SESTD1: variants seen among roughly 807,000 people sequenced by gnomAD.
SESTD1 encodes SEC14 and spectrin domain containing 1, also known as SEC14 domain and spectrin repeat-containing protein 1.
SESTD1 carries 43 observed loss-of-function variants against 101.7 expected under a neutral mutation model. That is an observed-to-expected ratio of 0.42 (90% CI 0.33 to 0.55). The LOEUF (loss-of-function observed/expected upper bound fraction) is 0.55, where lower values mean the gene tolerates loss of function less well. Ranked by LOEUF, SESTD1 falls within the 20% of genes least tolerant of loss-of-function variation. The pLI, the probability that SESTD1 is intolerant of heterozygous loss-of-function variation, is 0.07. For missense variants in SESTD1, 647 were observed against 815.1 expected (o/e 0.79, Z 2.51); for synonymous variants, 283 against 286.8 (o/e 0.99, Z 0.13).
At chr2:179,200,359 T>C (rs1162307275) in intron 1 of SESTD1, among the ~76,000 whole-genome samples, 4 of 152,072 alleles carry the variant, frequency 2.6e-5, no homozygotes, top group Admixed American at 6.5e-5. Context: ...AGGTAATTTA[T>C]AGATTCAATG....
intron 1 of SESTD1, 102 bp from the exon 2 acceptor site, chr2:179,191,968 C>G (rs2046326111): frequency 3.8e-6 from 3 of 779,718 alleles, no homozygotes; most frequent in Non-Finnish European, 6.4e-6. Flanking sequence ...CTGAGAACTA[C>G]TGACATTTTG....
chr2:179,159,809 A>C (rs1190740375), intron 5 of SESTD1, among the ~76,000 whole-genome samples: 1 of 152,174 alleles, frequency 6.6e-6, no homozygotes, highest in Non-Finnish European at 1.5e-5. Context: ...TCTTATTGGA[A>C]ATGTTCTATG....
At chr2:179,133,610 A>G (rs2045063283) in intron 9 of SESTD1, among the ~76,000 whole-genome samples, 1 of 152,216 alleles carries the variant, frequency 6.6e-6, no homozygotes, top group Admixed American at 6.5e-5. Flanking sequence ...GTATGGTTAT[A>G]TCCTAAATCT....
At chr2:179,235,913 T>C (rs774053602) in intron 1 of SESTD1, among the ~76,000 whole-genome samples, 3 of 152,174 alleles carry the variant, frequency 2.0e-5, no homozygotes, top group Non-Finnish European at 4.4e-5. Context: ...TTCGCTGAAA[T>C]AACATTACTA....
chr2:179,247,641 T>G (rs1372240396), intron 1 of SESTD1, among the ~76,000 whole-genome samples: 1 of 151,940 alleles, frequency 6.6e-6, no homozygotes, highest in Non-Finnish European at 1.5e-5. Flanking sequence ...GATCTCGTTA[T>G]GTTGCCTAGG....
intron 1 of SESTD1, among the ~76,000 whole-genome samples, chr2:179,230,120 T>C (rs2046963763): frequency 5.5e-5 from 2 of 36,098 alleles, no homozygotes; most frequent in African/African-American, 6.5e-4. Context: ...TCTCTTTTTT[T>C]TTTTTTTTTT....
chr2:179,198,243 C>A (rs2046437300), intron 1 of SESTD1, among the ~76,000 whole-genome samples: 1 of 152,160 alleles, frequency 6.6e-6, no homozygotes, highest in South Asian at 2.1e-4. Flanking sequence ...ATCAATTCAA[C>A]AAGAAGAGCT....
chr2:179,156,470 T>C (rs2045633655), intron 5 of SESTD1, among the ~76,000 whole-genome samples: 1 of 152,198 alleles, frequency 6.6e-6, no homozygotes, highest in South Asian at 2.1e-4. Context: ...AAGTGTTCCC[T>C]GATCACGGCA....
rs976122854 is a variant in SESTD1 at position 179,203,957 on chromosome 2, C to G, written c.-25-12091G>C. Among the ~76,000 whole-genome samples, 20 of 134,238 alleles carry G rather than the reference C, an allele frequency of 1.5e-4. 4 individuals are homozygous for G. The highest frequency in any genetic ancestry group is 5.0e-4 in the African/African-American group (17 of 33,974). The allele number at this position is 134,238 out of a possible 152,430, so 88.1% of individuals were successfully genotyped here. On this transcript the variant is annotated intron_variant, in intron 1 of 17. Coordinates refer to ENST00000428443, the MANE Select transcript of SESTD1 (RefSeq NM_178123.5). ...TGAGGACAGTCTTGTGGGATTGAGC[C>G]CTTAAACCCTGGATCTGATAACTCC...
At chr2:179,148,715 C>A (rs1308180496) in intron 7 of SESTD1, among the ~76,000 whole-genome samples, 1 of 152,072 alleles carries the variant, frequency 6.6e-6, no homozygotes, top group Non-Finnish European at 1.5e-5. Context: ...TTTGAAAACA[C>A]GTTCTTGAAA....
chr2:179,256,976 T>C (rs1052412049), intron 1 of SESTD1, among the ~76,000 whole-genome samples: 3 of 152,124 alleles, frequency 2.0e-5, no homozygotes, highest in Non-Finnish European at 4.4e-5. Flanking sequence ...GATAAAGCAG[T>C]GGCAGGGTTT....
At chr2:179,191,399 A>T (rs2046317908) in intron 2 of SESTD1, among the ~76,000 whole-genome samples, 1 of 152,162 alleles carries the variant, frequency 6.6e-6, no homozygotes, top group Admixed American at 6.5e-5. Context: ...GGACATAAAG[A>T]TGGGAGCAAC....
At chr2:179,181,991 T>TAAAAAAAAAAA (rs35017699) in intron 3 of SESTD1, among the ~76,000 whole-genome samples, 2 of 139,622 alleles carry the variant, frequency 1.4e-5, no homozygotes, top group African/African-American at 2.6e-5. Flanking sequence ...TCCACAATAT[T>TAAAAAAAAAAA]AAAAAAAAAA....
rs2045331988 is a variant in SESTD1 at position 179,143,725 on chromosome 2, T to G, written c.716A>C (p.Asp239Ala). Residue 239 changes from aspartate (D) to alanine (A), a missense_variant, in exon 9 of 18, where the codon GAT (aspartate) becomes GCT (alanine). By Grantham distance (126) the Asp-to-Ala change is moderately radical. Around this residue, in one of 3 missense-constraint regions of SESTD1, gnomAD observed 476 missense variants for 562.6 expected, o/e 0.85. Transcript: ENST00000428443. ...AACCTGTGGCTGTGCAAGAAGTTCA[T>G]CATCCATAGGAGACCATGAAACCCC... The part of the protein sequence containing the change: ...DGGVSWSPMD[D>A]ELLAQPQVMK... 6.2e-7 allele frequency: 1 copy of G among 1,614,036 alleles called. No homozygotes were observed. Among genetic ancestry groups the G allele is most frequent in the Non-Finnish European group, 8.5e-7 (1 of 1,179,930 alleles).
chr2:179,157,552 C>T (rs1021917740), intron 5 of SESTD1, among the ~76,000 whole-genome samples: 9 of 152,054 alleles, frequency 5.9e-5, no homozygotes, highest in Admixed American at 2.0e-4. Context: ...TATTTAAAAT[C>T]GTAAGATGAT....
rs532934533 is a variant in SESTD1 at position 179,233,790 on chromosome 2, A to ACATG, written c.-26+30705_-26+30708dup. Among the ~76,000 whole-genome samples the ACATG allele has an allele frequency of 3.9e-5, 6 of 152,284 alleles. No individual in the cohort carries two copies. The South Asian group carries it at 6.2e-4, about 16-fold the overall frequency. ...TTTATACAGAGATAGATACAGGGAT[A>ACATG]CATGCATGCATGCATGCGTGTGTGT... On this transcript the variant is annotated intron_variant, in intron 1 of 17. Transcript: ENST00000428443.
Position 179,214,113 on chromosome 2 carries a change from C to G in SESTD1, c.-25-22247G>C, listed in dbSNP as rs1159788371. Among the ~76,000 whole-genome samples the G allele has an allele frequency of 1.1e-4, 15 of 134,474 alleles. 3 individuals carry two copies. Among genetic ancestry groups the G allele is most frequent in the Admixed American group, 1.1e-3 (15 of 13,864 alleles). The allele number at this position is 134,474 out of a possible 152,430, so 88.2% of individuals were successfully genotyped here. Reference sequence around the variant, plus strand: ...CCAGCTAACATCATAATGACAGGATCAAATTCACACATAACAATATTAACC... The same window carrying G: ...CCAGCTAACATCATAATGACAGGATGAAATTCACACATAACAATATTAACC... On this transcript the variant is annotated intron_variant, in intron 1 of 17. Transcript: ENST00000428443.
chr2:179,158,066 C>G (rs746154933), intron 5 of SESTD1, among the ~76,000 whole-genome samples: 1 of 152,120 alleles, frequency 6.6e-6, no homozygotes, highest in Non-Finnish European at 1.5e-5. Context: ...CAACTGAAAA[C>G]ATACAAAACT....
At chr2:179,182,919 C>T (rs115621068) in intron 3 of SESTD1, among the ~76,000 whole-genome samples, 161 bp downstream of exon 3, 3,715 of 152,136 alleles carry the variant, frequency 0.024, 142 homozygotes, top group African/African-American at 0.081. Flanking sequence ...AGCATTTTAT[C>T]TGCAATGATG....
Sources: gnomAD v4.1 joint callset for allele counts (sites outside exome capture counted in the v4.1 genomes callset) on GRCh38, gnomAD v4.1.1 for gene constraint, gnomAD v4.1.1 regional missense constraint, MANE v1.5 for transcripts, NCBI Gene and HGNC (gene_info 2026-07-23, HGNC 2026-07-21) for gene names.